CLYBL: variants seen among roughly 807,000 people sequenced by gnomAD.
CLYBL encodes citramalyl-CoA lyase, also known as citramalyl-CoA lyase, mitochondrial.
CLYBL carries 31 observed loss-of-function variants against 38.9 expected under a neutral mutation model. The ratio of observed to expected loss-of-function variants is 0.80; its 90% confidence interval spans 0.60 to 1.08. The LOEUF is 1.08. Ranked by LOEUF, CLYBL falls within the 50% of genes least tolerant of loss-of-function variation. The probability of loss-of-function intolerance (pLI) is 0.00; values close to 1 mark genes in which losing one functional copy is unlikely to be tolerated. For missense variants in CLYBL, 434 were observed against 411.6 expected (o/e 1.05, Z -0.47); for synonymous variants, 171 against 158.6 (o/e 1.08, Z -0.59).
intron 1 of CLYBL, among the ~76,000 whole-genome samples, chr13:99,710,975 T>C (rs894487048): frequency 6.8e-6 from 1 of 147,718 alleles, no homozygotes; most frequent in Non-Finnish European, 1.5e-5. Flanking sequence ...GCAACCTCCG[T>C]CTCCTAGGTT....
At position 99,638,956 on chromosome 13, in the gene CLYBL, G is replaced by C. The variant is rs7981233; in HGVS notation, c.62+32199G>C. Among the ~76,000 whole-genome samples, 817 of 152,276 alleles carry C rather than the reference G, an allele frequency of 5.4e-3. 5 individuals carry two copies. Among genetic ancestry groups the C allele is most frequent in the African/African-American group, 0.019 (788 of 41,562 alleles). ...GGGCTGAGCTGGGATCGCAACCACA[G>C]GTTCTGTTCCAAAGCTGGGGCTCTT... On this transcript the variant is annotated intron_variant, in intron 1 of 8. Transcript: ENST00000339105.
At chr13:99,892,011 G>A (rs919143838) in intron 8 of CLYBL, 2 of 152,140 alleles carry the variant, frequency 1.3e-5, no homozygotes, top group Non-Finnish European at 2.9e-5. Context: ...CCCCTAAAAC[G>A]AAACATCCAT....
chr13:99,897,617 TTC>T (rs1239330660), downstream of CLYBL, among the ~76,000 whole-genome samples: 1 of 152,164 alleles, frequency 6.6e-6, no homozygotes, highest in Non-Finnish European at 1.5e-5. Context: ...CGGTGAAACT[TTC>T]TCTCTTTCAC....
At chr13:99,661,161 C>T (rs1382683852) in intron 1 of CLYBL, among the ~76,000 whole-genome samples, 3 of 151,984 alleles carry the variant, frequency 2.0e-5, no homozygotes, top group Non-Finnish European at 4.4e-5. Context: ...ATGTTGATTA[C>T]CAAGTTATTT....
At chr13:99,817,090 C>T (rs2050465492) in intron 2 of CLYBL, among the ~76,000 whole-genome samples, 1 of 152,312 alleles carries the variant, frequency 6.6e-6, no homozygotes, top group African/African-American at 2.4e-5. Context: ...TTCTCTTGTT[C>T]CATCACCAGG....
chr13:99,833,408 T>C (rs141681467), intron 2 of CLYBL, among the ~76,000 whole-genome samples: 161 of 152,122 alleles, frequency 1.1e-3, no homozygotes, highest in African/African-American at 3.8e-3. Context: ...AAGCCCTAAA[T>C]GTTATATTAC....
At chr13:99,706,079 G>A (rs1389921565) in intron 1 of CLYBL, among the ~76,000 whole-genome samples, 2 of 151,828 alleles carry the variant, frequency 1.3e-5, no homozygotes, top group Non-Finnish European at 2.9e-5. Flanking sequence ...TTACAGGCTC[G>A]TGCCGTCATG....
intron 1 of CLYBL, 79 bp downstream of exon 1, chr13:99,606,836 G>A (rs1196906487): frequency 8.0e-5 from 104 of 1,302,408 alleles, no homozygotes; most frequent in Non-Finnish European, 9.7e-5. Flanking sequence ...CGCGGGCCGG[G>A]CGCGGCCTCC....
intron 2 of CLYBL, among the ~76,000 whole-genome samples, chr13:99,844,780 T>C: frequency 6.6e-6 from 1 of 152,314 alleles, no homozygotes; most frequent in East Asian, 1.9e-4. Flanking sequence ...CTCGGCTTTT[T>C]CCCTGAAAGT....
chr13:99,679,210 C>A (rs772120877), intron 1 of CLYBL, among the ~76,000 whole-genome samples: 1 of 149,756 alleles, frequency 6.7e-6, no homozygotes, highest in Non-Finnish European at 1.5e-5. Context: ...AGGAGAATGG[C>A]GTGAACCCGG....
chr13:99,617,211 C>A (rs1200039205), intron 1 of CLYBL, among the ~76,000 whole-genome samples: 4 of 152,054 alleles, frequency 2.6e-5, no homozygotes, highest in Non-Finnish European at 2.9e-5. Context: ...CCGTTGCTAG[C>A]CCCAGTAAAA....
intron 2 of CLYBL, among the ~76,000 whole-genome samples, chr13:99,848,612 G>T (rs932912082): frequency 6.6e-6 from 1 of 152,122 alleles, no homozygotes; most frequent in African/African-American, 2.4e-5. Flanking sequence ...GTTTTCCTCT[G>T]GATCCTTCTG....
At chr13:99,825,273 A>G (rs1230331830) in intron 2 of CLYBL, among the ~76,000 whole-genome samples, 2 of 152,202 alleles carry the variant, frequency 1.3e-5, no homozygotes, top group South Asian at 2.1e-4. Flanking sequence ...ACGTCAGGAC[A>G]GGCTGTTAAC....
intron 1 of CLYBL, among the ~76,000 whole-genome samples, chr13:99,739,045 C>T (rs1051520450): frequency 6.6e-6 from 1 of 152,130 alleles, no homozygotes; most frequent in African/African-American, 2.4e-5. Flanking sequence ...TAAAATTGTT[C>T]TCAGAAGATA....
intron 1 of CLYBL, among the ~76,000 whole-genome samples, chr13:99,676,190 T>TCCGTCCGTCCG (rs1566606807): frequency 8.3e-4 from 17 of 20,510 alleles, no homozygotes; most frequent in African/African-American, 1.5e-3. Flanking sequence ...CCGTCCGTCC[T>TCCGTCCGTCCG]TCCTTCCTTC....
chr13:99,740,782 C>T (rs1475482134), intron 1 of CLYBL, among the ~76,000 whole-genome samples: 1 of 152,176 alleles, frequency 6.6e-6, no homozygotes, highest in Non-Finnish European at 1.5e-5. Flanking sequence ...GTCCTGCTCT[C>T]CAGCTTGACC....
intron 2 of CLYBL, among the ~76,000 whole-genome samples, chr13:99,824,095 C>T (rs1216322425): frequency 6.6e-6 from 1 of 152,202 alleles, no homozygotes; most frequent in Non-Finnish European, 1.5e-5. Flanking sequence ...CCTCACAGAT[C>T]AGGCTTTTCT....
intron 1 of CLYBL, among the ~76,000 whole-genome samples, chr13:99,739,714 C>T (rs190211585): frequency 3.8e-4 from 58 of 152,342 alleles, no homozygotes; most frequent in South Asian, 1.2e-3. Flanking sequence ...TGGCTCACGC[C>T]GGTAATCCCA....
intron 1 of CLYBL, among the ~76,000 whole-genome samples, chr13:99,699,463 G>A (rs957617639): frequency 1.3e-5 from 2 of 151,906 alleles, no homozygotes; most frequent in Non-Finnish European, 2.9e-5. Context: ...GGAGGCTGAG[G>A]CAGGCAGATC....
Sources: gnomAD v4.1 joint callset for allele counts (sites outside exome capture counted in the v4.1 genomes callset) on GRCh38, gnomAD v4.1.1 for gene constraint, MANE v1.5 for transcripts, NCBI Gene and HGNC (gene_info 2026-07-23, HGNC 2026-07-21) for gene names.